STK38L: variants seen among roughly 807,000 people sequenced by gnomAD.
STK38L encodes the protein serine/threonine-protein kinase 38-like.
Under a neutral mutation model 59.7 loss-of-function variants are expected in STK38L, and 28 were observed. That is an observed-to-expected ratio of 0.47 (90% CI 0.35 to 0.64). The LOEUF (loss-of-function observed/expected upper bound fraction) is 0.64, where lower values mean the gene tolerates loss of function less well. Ranked by LOEUF, STK38L falls within the 30% of genes least tolerant of loss-of-function variation. The pLI is 0.01. For synonymous variants in STK38L, 162 were observed against 176.8 expected (o/e 0.92, Z 0.66); for missense variants, 314 against 555.8 (o/e 0.56, Z 4.37).
chr12:27,312,012 C>T (rs193186750), intron 5 of STK38L, among the ~76,000 whole-genome samples: 39 of 152,070 alleles, frequency 2.6e-4, no homozygotes, highest in African/African-American at 6.5e-4. Flanking sequence ...CCTGAGTAGC[C>T]GGGACTACTG....
At chr12:27,281,660 G>A (rs981787690) in intron 1 of STK38L, among the ~76,000 whole-genome samples, 1 of 152,254 alleles carries the variant, frequency 6.6e-6, no homozygotes, top group Non-Finnish European at 1.5e-5. Flanking sequence ...GACAACAACA[G>A]TGGTGATAAG....
At chr12:27,314,977 A>G (rs1175147457) in intron 7 of STK38L, 38 bp from the exon 8 acceptor site, 1 of 1,494,412 alleles carries the variant, frequency 6.7e-7, no homozygotes, top group Admixed American at 2.0e-5. Context: ...TTTGTTTTCA[A>G]AGTTAATATG....
At position 27,322,196 on chromosome 12, in the gene STK38L, A is replaced by C. The variant is rs1306127143; in HGVS notation, c.1229A>C (p.Asn410Thr). 2 of 1,613,852 alleles carry C rather than the reference A, an allele frequency of 1.2e-6. No homozygotes were observed. Among genetic ancestry groups the C allele is most frequent in the Non-Finnish European group, 1.7e-6 (2 of 1,179,958 alleles). ...IEIKSIDDTS[N>T]FDDFPESDIL... ...ATCAAAAGCATTGATGATACTTCAAATTTTGATGACTTCCCTGAATCTGAT... is the reference window on the plus strand; with the variant it reads ...ATCAAAAGCATTGATGATACTTCAACTTTTGATGACTTCCCTGAATCTGAT... The change falls in exon 13 of 14, where the codon AAT (asparagine) becomes ACT (threonine). Residue 410 changes from asparagine to threonine, a missense_variant. Asn to Thr is a moderately conservative substitution (Grantham distance 65, BLOSUM62 0). Transcript: ENST00000389032.
intron 1 of STK38L, among the ~76,000 whole-genome samples, chr12:27,280,054 A>G (rs1410528707): frequency 6.6e-6 from 1 of 152,190 alleles, no homozygotes; most frequent in Non-Finnish European, 1.5e-5. Context: ...CCAAACCTTT[A>G]GTACTGTAGC....
rs201421926 is a variant in STK38L, at chr12:27,317,469, C to G, written c.955+16C>G. ...ATGCTAATAGGTATGTTTTATCATTCATTTATGTACAAAATATATACATTT... is the reference window on the plus strand; with the variant it reads ...ATGCTAATAGGTATGTTTTATCATTGATTTATGTACAAAATATATACATTT... On this transcript the variant is annotated intron_variant, in intron 10 of 13. Transcript: ENST00000389032. 4.1e-5 allele frequency: 63 copies of G among 1,533,474 alleles called. No individual in the cohort carries two copies. The African/African-American group carries it at 7.7e-4, about 19-fold the overall frequency. The allele number at this position is 1,533,474 out of a possible 1,614,324, so 95.0% of individuals were successfully genotyped here.
At chr12:27,282,872 G>A (rs904335018) in intron 1 of STK38L, among the ~76,000 whole-genome samples, 1 of 152,134 alleles carries the variant, frequency 6.6e-6, no homozygotes, top group Non-Finnish European at 1.5e-5. Context: ...TATGCTGATC[G>A]CTTAGTTTAA....
chr12:27,260,126 C>T (rs1943174933), intron 1 of STK38L, among the ~76,000 whole-genome samples: 1 of 152,152 alleles, frequency 6.6e-6, no homozygotes, highest in Admixed American at 6.5e-5. Flanking sequence ...GTTTTTCTGA[C>T]TCATTCTCCT....
Position 27,281,186 on chromosome 12 carries a change from C to A in STK38L, c.-11-16524C>A, listed in dbSNP as rs1407316024. Among the ~76,000 whole-genome samples the A allele has an allele frequency of 9.9e-5, 2 of 20,282 alleles. 1 individual carries two copies. Among genetic ancestry groups the A allele is most frequent in the African/African-American group, 3.5e-4 (2 of 5,722 alleles). 13.3% of individuals were successfully genotyped at this position (20,282 alleles called of 152,430 possible). A position where few individuals can be genotyped will look rare whatever the true frequency, so the allele number is the denominator to read the frequency against. ...CTGCAAGCTCCGCCTCCCGGGTTCA[C>A]GCCATTCTCCTGCCTCAGCCTCCCA... is the stretch of plus-strand genomic sequence containing the variant. On this transcript the variant is annotated intron_variant, in intron 1 of 13. Transcript: ENST00000389032.
chr12:27,265,049 A>C (rs563332147), intron 1 of STK38L, among the ~76,000 whole-genome samples: 7 of 152,320 alleles, frequency 4.6e-5, no homozygotes, highest in South Asian at 2.1e-4. Context: ...AAATCTGAAG[A>C]GTTCTTAGTA....
intron 9 of STK38L, among the ~76,000 whole-genome samples, chr12:27,316,282 A>C (rs984152103): frequency 2.6e-5 from 4 of 152,210 alleles, no homozygotes; most frequent in African/African-American, 9.6e-5. Context: ...ACTTTGTTCT[A>C]CTTTTAAAAT....
intron 5 of STK38L, among the ~76,000 whole-genome samples, chr12:27,312,271 AAAGT>A (rs1944473809): frequency 6.6e-6 from 1 of 152,202 alleles, no homozygotes; most frequent in Non-Finnish European, 1.5e-5. Flanking sequence ...TTCTGGTTAA[AAAGT>A]TGTTAGACTG....
At chr12:27,276,705 T>C (rs746569718) in intron 1 of STK38L, among the ~76,000 whole-genome samples, 2 of 152,236 alleles carry the variant, frequency 1.3e-5, no homozygotes, top group African/African-American at 2.4e-5. Flanking sequence ...TTCTATTTTA[T>C]CAAAATTACA....
chr12:27,320,971 C>T (rs948710853), intron 12 of STK38L, among the ~76,000 whole-genome samples: 2 of 152,008 alleles, frequency 1.3e-5, no homozygotes, highest in African/African-American at 4.8e-5. Context: ...CTAGAATACC[C>T]TCCCTTTTAC....
chr12:27,301,776 G>A (rs1483130880), intron 2 of STK38L, among the ~76,000 whole-genome samples: 1 of 152,148 alleles, frequency 6.6e-6, no homozygotes, highest in Admixed American at 6.5e-5. Context: ...AGTCAGTATA[G>A]TTATCTTTTT....
At chr12:27,302,905 C>CA (rs1263313019) in intron 3 of STK38L, among the ~76,000 whole-genome samples, 2 of 151,254 alleles carry the variant, frequency 1.3e-5, no homozygotes, top group Non-Finnish European at 2.9e-5. Context: ...CCCAGCTACT[C>CA]AGGAGGCTGA....
intron 1 of STK38L, among the ~76,000 whole-genome samples, chr12:27,279,181 T>C (rs1264382778): frequency 6.6e-6 from 1 of 152,216 alleles, no homozygotes; most frequent in Non-Finnish European, 1.5e-5. Flanking sequence ...CTGCCACTAT[T>C]AAATGCACTT....
intron 3 of STK38L, among the ~76,000 whole-genome samples, chr12:27,304,727 A>G (rs1944266149): frequency 6.6e-6 from 1 of 152,134 alleles, no homozygotes; most frequent in African/African-American, 2.4e-5. Flanking sequence ...CTTAAACATA[A>G]GATCTTAATT....
intron 6 of STK38L, 131 bp from the exon 7 acceptor site, chr12:27,314,373 C>A: frequency 2.8e-6 from 2 of 713,804 alleles, no homozygotes; most frequent in Non-Finnish European, 4.1e-6. Flanking sequence ...TGCACTCCAA[C>A]CCAGGCAACA....
chr12:27,245,828 T>C (rs1237424177), intron 1 of STK38L: 2 of 152,190 alleles, frequency 1.3e-5, no homozygotes, highest in Non-Finnish European at 2.9e-5. Flanking sequence ...AAAAATGTTT[T>C]GGTTTGACCT....
Sources: allele counts gnomAD v4.1 joint callset (sites outside exome capture counted in the v4.1 genomes callset), GRCh38; gene constraint gnomAD v4.1.1; transcripts MANE v1.5; gene names NCBI Gene and HGNC (gene_info 2026-07-23, HGNC 2026-07-21).